The following EFNA5 variants were observed in gnomAD, a reference collection of about 807,000 sequenced individuals.
EFNA5 encodes ephrin-A5.
A neutral mutation model predicts 22.9 loss-of-function variants in EFNA5; 5 were observed. That is an observed-to-expected ratio of 0.22 (90% confidence interval 0.11 to 0.46). The LOEUF (loss-of-function observed/expected upper bound fraction) is 0.46. EFNA5 is among the 20% of genes least tolerant of loss of function. EFNA5 has a pLI of 0.99. For synonymous variants in EFNA5, 113 were observed against 112.2 expected (o/e 1.01, Z -0.04); for missense variants, 237 against 293.3 (o/e 0.81, Z 1.40).
At chr5:107,399,452 C>T (rs1036591092) in intron 2 of EFNA5, among the ~76,000 whole-genome samples, 1 of 151,936 alleles carries the variant, frequency 6.6e-6, no homozygotes, top group Admixed American at 6.6e-5. Context: ...ACGTGGGCAT[C>T]TTTAGATCCA....
chr5:107,611,710 C>T (rs1749821982), intron 1 of EFNA5, among the ~76,000 whole-genome samples: 1 of 152,148 alleles, frequency 6.6e-6, no homozygotes, highest in East Asian at 1.9e-4. Flanking sequence ...ACTATAGTCA[C>T]AGTGATCTTT....
At chr5:107,525,807 GCA>G (rs1747684699) in intron 1 of EFNA5, among the ~76,000 whole-genome samples, 1 of 151,932 alleles carries the variant, frequency 6.6e-6, no homozygotes, top group African/African-American at 2.4e-5. Context: ...AGAGGCAGGC[GCA>G]CACAGTTTAA....
chr5:107,618,598 G>A (rs1749972027), intron 1 of EFNA5, among the ~76,000 whole-genome samples: 1 of 152,168 alleles, frequency 6.6e-6, no homozygotes, highest in African/African-American at 2.4e-5. Flanking sequence ...CAGTTTTCCT[G>A]ACAGTTTTAG....
At chr5:107,585,895 G>T (rs1353197136) in intron 1 of EFNA5, among the ~76,000 whole-genome samples, 1 of 152,128 alleles carries the variant, frequency 6.6e-6, no homozygotes, top group Non-Finnish European at 1.5e-5. Context: ...ATTACATTTT[G>T]GGGACAGTTT....
chr5:107,526,480 G>T (rs1428311298), intron 1 of EFNA5, among the ~76,000 whole-genome samples: 3 of 152,186 alleles, frequency 2.0e-5, no homozygotes, highest in Non-Finnish European at 2.9e-5. Context: ...AGACTTGATT[G>T]GGTCTGAACA....
At chr5:107,579,543 G>GA (rs918009379) in intron 1 of EFNA5, among the ~76,000 whole-genome samples, 7 of 138,870 alleles carry the variant, frequency 5.0e-5, no homozygotes, top group Non-Finnish European at 7.9e-5. Flanking sequence ...AAAGAAAAAA[G>GA]AAAAAAAAAA....
intron 1 of EFNA5, among the ~76,000 whole-genome samples, chr5:107,443,812 G>C (rs1311710849): frequency 6.6e-6 from 1 of 152,098 alleles, no homozygotes; most frequent in Non-Finnish European, 1.5e-5. Flanking sequence ...AACTACCATG[G>C]CACATGTATA....
chr5:107,629,677 T>C (rs1750208214), intron 1 of EFNA5, among the ~76,000 whole-genome samples: 1 of 152,244 alleles, frequency 6.6e-6, no homozygotes, highest in Admixed American at 6.5e-5. Context: ...ATAACTAAAG[T>C]TGTCCAACCT....
rs1750443483 is a variant in EFNA5 at position 107,638,926 on chromosome 5, A to G, written c.125+31563T>C. On this transcript the variant is annotated intron_variant, in intron 1 of 4. Coordinates refer to ENST00000333274, the MANE Select transcript of EFNA5 (RefSeq NM_001962.3). ...ATTCTACAATGTATACATACATCAA[A>G]ACATTGTAAACCATAAATACATAGT... is the stretch of plus-strand genomic sequence containing the variant. Among the ~76,000 whole-genome samples, 3 of 152,228 alleles carry G rather than the reference A, an allele frequency of 2.0e-5. No homozygotes were observed. In the South Asian group the frequency reaches 6.2e-4, roughly 31 times the overall value.
At chr5:107,430,497 C>G (rs1352354670) in intron 1 of EFNA5, among the ~76,000 whole-genome samples, 5 of 152,052 alleles carry the variant, frequency 3.3e-5, no homozygotes, top group Non-Finnish European at 7.4e-5. Flanking sequence ...TGGACCCATT[C>G]TGTTACTCCT....
chr5:107,612,576 AAGGTCCATACAGAATT>A (rs1335940125), intron 1 of EFNA5, among the ~76,000 whole-genome samples: 1 of 152,180 alleles, frequency 6.6e-6, no homozygotes. Context: ...GGTAACTGTC[AAGGTCCATACAGAATT>A]AGTATTAAAA....
At chr5:107,467,868 A>T (rs968893009) in intron 1 of EFNA5, among the ~76,000 whole-genome samples, 15 of 152,174 alleles carry the variant, frequency 9.9e-5, no homozygotes, top group Non-Finnish European at 4.4e-5. Context: ...ATCAAAAATC[A>T]TCAGAAAGAG....
chr5:107,566,792 T>G (rs1326243069), intron 1 of EFNA5, among the ~76,000 whole-genome samples: 2 of 152,240 alleles, frequency 1.3e-5, no homozygotes, highest in Admixed American at 6.5e-5. Flanking sequence ...CAGTTAAGTT[T>G]GCAAAAGTGT....
intron 2 of EFNA5, among the ~76,000 whole-genome samples, chr5:107,391,115 A>G (rs962262559): frequency 4.6e-5 from 7 of 152,180 alleles, no homozygotes; most frequent in African/African-American, 1.7e-4. Flanking sequence ...GCCGAGACTG[A>G]GCTACTGTAC....
At chr5:107,413,804 C>T (rs1748433801) in intron 2 of EFNA5, among the ~76,000 whole-genome samples, 1 of 152,112 alleles carries the variant, frequency 6.6e-6, no homozygotes, top group South Asian at 2.1e-4. Context: ...AGCAATGAGA[C>T]AATTTACTTG....
At chr5:107,669,250 C>A (rs867696665) in intron 1 of EFNA5, among the ~76,000 whole-genome samples, 1 of 151,708 alleles carries the variant, frequency 6.6e-6, no homozygotes, top group South Asian at 2.1e-4. Context: ...GAGCCCGGGG[C>A]GCGCACCAAC....
chr5:107,459,294 A>C (rs1423334586), intron 1 of EFNA5, among the ~76,000 whole-genome samples: 1 of 151,664 alleles, frequency 6.6e-6, no homozygotes, highest in Non-Finnish European at 1.5e-5. Context: ...TGGAGGTTGC[A>C]GTGAGTTGAG....
chr5:107,666,914 C>T (rs1237001164), intron 1 of EFNA5, among the ~76,000 whole-genome samples: 1 of 152,048 alleles, frequency 6.6e-6, no homozygotes, highest in Non-Finnish European at 1.5e-5. Flanking sequence ...AGCATAGCTA[C>T]TAAAGGAGAA....
intron 1 of EFNA5, among the ~76,000 whole-genome samples, chr5:107,552,612 G>GA (rs1748324011): frequency 6.6e-6 from 1 of 152,186 alleles, no homozygotes; most frequent in Non-Finnish European, 1.5e-5. Context: ...TAACTGATAT[G>GA]TAAAGTAACT....
Sources: allele counts gnomAD v4.1 joint callset (sites outside exome capture counted in the v4.1 genomes callset), GRCh38; gene constraint gnomAD v4.1.1; transcripts MANE v1.5; gene names NCBI Gene and HGNC (gene_info 2026-07-23, HGNC 2026-07-21).